Variants in GALNT17 observed in about 807,000 individuals in gnomAD.
The protein encoded by GALNT17 is UDP-GalNAc:polypeptide N-acetylgalactosaminyltransferase-like 3.
A neutral mutation model predicts 63.7 loss-of-function variants in GALNT17; 29 were observed. The observed-to-expected ratio is 0.46, with a 90% confidence interval of 0.34 to 0.62. GALNT17 has a LOEUF of 0.62. Ranked by LOEUF, GALNT17 falls within the 20% of genes least tolerant of loss-of-function variation. The probability of loss-of-function intolerance (pLI) is 0.01; values close to 1 mark genes in which losing one functional copy is unlikely to be tolerated. For synonymous variants in GALNT17, 305 were observed against 318.3 expected, an observed-to-expected ratio of 0.96 and a Z score of 0.45; for missense variants, 603 against 799.6, an observed-to-expected ratio of 0.75 and a Z score of 2.97.
chr7:71,706,186 C>A (rs954112644), intron 9 of GALNT17, among the ~76,000 whole-genome samples: 4 of 152,196 alleles, frequency 2.6e-5, no homozygotes, highest in Non-Finnish European at 5.9e-5. Context: ...AACCTATGCA[C>A]ATGACCCAGT....
intron 6 of GALNT17, among the ~76,000 whole-genome samples, chr7:71,652,604 T>C (rs1790769740): frequency 6.6e-6 from 1 of 152,226 alleles, no homozygotes; most frequent in South Asian, 2.1e-4. Flanking sequence ...ACCTGTGTTG[T>C]TGAGAATCAG....
At chr7:71,180,859 T>A (rs903110340) in intron 1 of GALNT17, among the ~76,000 whole-genome samples, 3 of 152,076 alleles carry the variant, frequency 2.0e-5, no homozygotes, top group Admixed American at 2.0e-4. Flanking sequence ...AGAACTCAGT[T>A]TGGGAAGCAG....
At chr7:71,188,326 T>A (rs1788891198) in intron 1 of GALNT17, among the ~76,000 whole-genome samples, 2 of 152,204 alleles carry the variant, frequency 1.3e-5, no homozygotes, top group South Asian at 4.1e-4. Context: ...GGTGGTTGTA[T>A]GATTTTACAT....
At chr7:71,211,514 G>T (rs566653634) in intron 1 of GALNT17, among the ~76,000 whole-genome samples, 6 of 152,158 alleles carry the variant, frequency 3.9e-5, no homozygotes. Context: ...GCAGAGTGGG[G>T]TGTTGCTGAA....
At chr7:71,316,232 ATCAGGATCCTGATCTGTGGG>A (rs1228311769) in intron 1 of GALNT17, among the ~76,000 whole-genome samples, 9 of 135,738 alleles carry the variant, frequency 6.6e-5, no homozygotes, top group East Asian at 4.1e-4. Context: ...TGTGGGTCTG[ATCAGGATCCTGATCTGTGGG>A]TCTGATCAGG....
chr7:71,363,538 A>G (rs1437303848), intron 2 of GALNT17, among the ~76,000 whole-genome samples: 1 of 152,220 alleles, frequency 6.6e-6, no homozygotes, highest in Non-Finnish European at 1.5e-5. Flanking sequence ...TTCTGTGTCC[A>G]TGATGATCTC....
At position 71,568,696 on chromosome 7, in the gene GALNT17, A is replaced by G. The variant is rs1247601535; in HGVS notation, c.963-2589A>G. On this transcript the variant is annotated intron_variant, in intron 5 of 10. Transcript: ENST00000333538. The stretch of plus-strand genomic sequence containing the variant: ...ATGATTTGGTAGATGCTGAGCAAAT[A>G]TTTACTCAATGAATTTATTATGTAA... Among the ~76,000 whole-genome samples, 4 of 152,292 alleles carry G rather than the reference A, an allele frequency of 2.6e-5. No homozygotes were observed. The East Asian group carries it at 7.7e-4, about 29-fold the overall frequency.
chr7:71,208,752 A>G (rs961274937), intron 1 of GALNT17, among the ~76,000 whole-genome samples: 7 of 152,116 alleles, frequency 4.6e-5, no homozygotes, highest in African/African-American at 1.7e-4. Context: ...ACACCTGGCC[A>G]CGAGTGCTTC....
intron 6 of GALNT17, among the ~76,000 whole-genome samples, chr7:71,577,931 C>T (rs1789564688): frequency 1.3e-5 from 2 of 152,110 alleles, no homozygotes; most frequent in Non-Finnish European, 2.9e-5. Context: ...CTCAGGGTTT[C>T]ATAGTGTCTG....
At chr7:71,354,600 T>G (rs924836369) in intron 2 of GALNT17, among the ~76,000 whole-genome samples, 6 of 152,202 alleles carry the variant, frequency 3.9e-5, no homozygotes, top group Admixed American at 2.6e-4. Flanking sequence ...GGTGTATTAT[T>G]TTCTTAATGT....
chr7:71,324,896 C>T (rs1243432368), intron 1 of GALNT17, among the ~76,000 whole-genome samples: 2 of 152,090 alleles, frequency 1.3e-5, no homozygotes, highest in Non-Finnish European at 2.9e-5. Flanking sequence ...GTCATTTGAA[C>T]TAATTATCAC....
intron 1 of GALNT17, among the ~76,000 whole-genome samples, chr7:71,178,815 C>T (rs879551767): frequency 4.6e-4 from 70 of 152,008 alleles, no homozygotes; most frequent in Admixed American, 3.1e-3. Flanking sequence ...TAATAGCTGC[C>T]TTATAGTTCT....
intron 5 of GALNT17, among the ~76,000 whole-genome samples, chr7:71,488,538 CAGATATTCCCACT>C (rs1182088282): frequency 1.3e-5 from 2 of 151,006 alleles, no homozygotes; most frequent in East Asian, 3.9e-4. Context: ...GCTCCACCCC[CAGATATTCCCACT>C]GGGCAAGCCA....
At chr7:71,299,779 T>TA (rs1346311934) in intron 1 of GALNT17, among the ~76,000 whole-genome samples, 2 of 151,932 alleles carry the variant, frequency 1.3e-5, no homozygotes, top group Admixed American at 1.3e-4. Flanking sequence ...ATTTTTTTTT[T>TA]AATTGAGATG....
intron 1 of GALNT17, among the ~76,000 whole-genome samples, chr7:71,188,210 G>A (rs796099413): frequency 3.3e-5 from 5 of 152,142 alleles, no homozygotes; most frequent in South Asian, 2.1e-4. Context: ...TATCTTTTTC[G>A]TATAATGACT....
intron 6 of GALNT17, among the ~76,000 whole-genome samples, chr7:71,623,252 C>G (rs1398014410): frequency 2.6e-5 from 4 of 152,086 alleles, no homozygotes; most frequent in Non-Finnish European, 5.9e-5. Flanking sequence ...TTTTCCTCAT[C>G]AGAAAATGAG....
chr7:71,350,555 AAC>A (rs1792172698), intron 2 of GALNT17, among the ~76,000 whole-genome samples: 1 of 152,228 alleles, frequency 6.6e-6, no homozygotes, highest in African/African-American at 2.4e-5. Flanking sequence ...CAAATAAAAA[AAC>A]ACTACAGTAT....
intron 1 of GALNT17, among the ~76,000 whole-genome samples, chr7:71,258,226 A>G (rs1266991102): frequency 6.6e-6 from 1 of 152,164 alleles, no homozygotes; most frequent in Non-Finnish European, 1.5e-5. Context: ...TGACTCCCAT[A>G]TTATCTGTGT....
intron 1 of GALNT17, among the ~76,000 whole-genome samples, chr7:71,237,629 G>A (rs550767627): frequency 1.3e-5 from 2 of 152,056 alleles, no homozygotes; most frequent in African/African-American, 2.4e-5. Context: ...AGGCTACTGC[G>A]AGTTATAATC....
Sources: gnomAD v4.1 joint callset for allele counts (sites outside exome capture counted in the v4.1 genomes callset) on GRCh38, gnomAD v4.1.1 for gene constraint, MANE v1.5 for transcripts, NCBI Gene and HGNC (gene_info 2026-07-23, HGNC 2026-07-21) for gene names.